The following ZFC3H1 variants were observed in gnomAD, a reference collection of about 807,000 sequenced individuals.
ZFC3H1 encodes zinc finger C3H1-type containing, also known as zinc finger C3H1 domain-containing protein.
A neutral mutation model predicts 243.7 loss-of-function variants in ZFC3H1; 71 were observed. The ratio of observed to expected loss-of-function variants is 0.29; its 90% CI spans 0.24 to 0.36. ZFC3H1 has a LOEUF of 0.36. Ranked by LOEUF, ZFC3H1 falls within the 10% of genes least tolerant of loss-of-function variation. The pLI is 1.00. For synonymous variants in ZFC3H1, 838 were observed against 813.0 expected (o/e 1.03, Z -0.52); for missense variants, 1,966 against 2,317.1 (o/e 0.85, Z 3.11).
chr12:71,623,062 TAATC>T (rs1880073425), intron 24 of ZFC3H1, among the ~76,000 whole-genome samples: 1 of 151,870 alleles, frequency 6.6e-6, no homozygotes. Context: ...TTCTCTGATT[TAATC>T]AATTCATCAA....
intron 2 of ZFC3H1, 69 bp from the exon 3 acceptor site, chr12:71,647,882 T>C (rs1277679215): frequency 3.4e-6 from 2 of 586,872 alleles, no homozygotes; most frequent in South Asian, 2.5e-5. Flanking sequence ...AATAATCCTA[T>C]ATAATATCTG....
intron 13 of ZFC3H1, 75 bp from the exon 14 acceptor site, chr12:71,633,092 T>C (rs1011331): frequency 0.74 from 1,086,048 of 1,474,630 alleles, 415,098 homozygotes; most frequent in Non-Finnish European, 0.79. Flanking sequence ...TCAAACACCG[T>C]GGCTTTTGAG....
rs1459121129 is a variant in ZFC3H1, at chr12:71,663,088, G to A, written c.523C>T (p.Pro175Ser). 6.8e-6 allele frequency: 11 copies of A among 1,613,942 alleles called. 1 individual carries two copies. The highest frequency in any genetic ancestry group is 5.3e-5 in the African/African-American group (4 of 74,908). Residue 175 changes from proline (P) to serine (S), a missense_variant, in exon 1 of 35, where the codon CCT becomes TCT. Coordinates refer to ENST00000378743, the MANE Select transcript of ZFC3H1 (RefSeq NM_144982.5). ...CCGGATCCTGCTCCTCCTCCCAGAG[G>A]AGGTCTGCACCCCGGCTTGCCTCCT... ...ERGGKPGCRP[P>S]LGGGAGSGFS... is the part of the protein sequence containing the mutation.
In ZFC3H1 at chr12:71,632,347, T is replaced by C. The variant is rs1316742085; in HGVS notation, c.2985A>G (p.Gln995=). ...EARALKAKEQ[Q]NISPVVEEEP... ...CCTCTTCCACAACTGGAGAGATATT[T>C]TGTTGTTCCTTTGCTTTAAGGGCAC... is the stretch of plus-strand genomic sequence containing the variant. Residue 995 remains glutamine, a synonymous_variant, in exon 15 of 35, where the codon CAA becomes CAG. Coordinates refer to ENST00000378743, the MANE Select transcript of ZFC3H1 (RefSeq NM_144982.5). 1.9e-6 allele frequency: 3 copies of C among 1,613,682 alleles called. No homozygotes were observed. The highest frequency in any genetic ancestry group is 2.7e-5 in the African/African-American group (2 of 74,878).
intron 2 of ZFC3H1, among the ~76,000 whole-genome samples, chr12:71,654,905 C>A (rs1880979459): frequency 6.6e-6 from 1 of 151,934 alleles, no homozygotes; most frequent in African/African-American, 2.4e-5. Flanking sequence ...TAATATAAGA[C>A]AAAATAGTCT....
intron 11 of ZFC3H1, 120 bp from the exon 12 acceptor site, chr12:71,634,424 G>T: frequency 8.2e-7 from 1 of 1,226,880 alleles, no homozygotes. Context: ...TAAAGATGAT[G>T]ACCAATATGC....
In ZFC3H1 at chr12:71,638,530, TTTG is replaced by T. The variant is rs1487175683; in HGVS notation, c.1628-18_1628-16del. On this transcript the variant is annotated splice_polypyrimidine_tract_variant and intron_variant, in intron 6 of 34. Coordinates refer to ENST00000378743, the MANE Select transcript of ZFC3H1 (RefSeq NM_144982.5). ...TGGTGAAGGAGCTGTAAAAAAATTT[TTTG>T]TTAAGAGTTTAATAACAGAAATACT... is the stretch of plus-strand genomic sequence containing the variant. 29 of 1,585,128 alleles carry T rather than the reference TTTG, an allele frequency of 1.8e-5. No individual in the cohort carries two copies. Among genetic ancestry groups the T allele is most frequent in the Non-Finnish European group, 2.5e-5 (29 of 1,169,032 alleles).
chr12:71,610,899 G>T, intron 33 of ZFC3H1, 142 bp from the exon 34 acceptor site: 1 of 1,402,572 alleles, frequency 7.1e-7, no homozygotes, highest in African/African-American at 1.4e-5. Flanking sequence ...CCGAATATTT[G>T]GTACTCTTAA....
intron 13 of ZFC3H1, 117 bp downstream of exon 13, chr12:71,633,147 G>C (rs762335812): frequency 8.8e-5 from 122 of 1,389,470 alleles, no homozygotes; most frequent in Non-Finnish European, 1.1e-4. Context: ...TTCTCAACAA[G>C]AAACTATAGG....
Position 71,631,995 on chromosome 12 carries a change from T to C in ZFC3H1, c.3337A>G (p.Thr1113Ala), listed in dbSNP as rs1245522359. 1.9e-6 allele frequency: 3 copies of C among 1,600,216 alleles called. No individual in the cohort carries two copies. Among genetic ancestry groups the C allele is most frequent in the South Asian group, 2.3e-5 (2 of 88,834 alleles). Residue 1113 changes from threonine (T) to alanine (A), a missense_variant, in exon 15 of 35, where the codon ACA (threonine) becomes GCA (alanine). Physicochemically the swap from Thr to Ala is moderately conservative, Grantham distance 58. Transcript: ENST00000378743. ...QLILKTTTGI[T>A]EKVLHGQEIS... ...ACCTGACCATGCAAAACCTTCTCTG[T>C]AATGCCTGTGGTGGTTTTTAAAATC...
rs1880203908 is a variant in ZFC3H1 at position 71,627,680 on chromosome 12, T to C, written c.4130+71A>G. The C allele has an allele frequency of 3.5e-6, 5 of 1,435,476 alleles. No homozygotes were observed. In the East Asian group the frequency reaches 6.9e-5, roughly 20 times the overall value. 88.9% of individuals were successfully genotyped at this position (1,435,476 alleles called of 1,614,324 possible). ...AGGAAAGAAACCTGACTGATTACCA[T>C]AGGTAAAAAAACCTCAAACATAAAA... On this transcript the variant is annotated intron_variant, in intron 21 of 34. Coordinates refer to ENST00000378743, the MANE Select transcript of ZFC3H1 (RefSeq NM_144982.5).
chr12:71,645,230 C>T (rs1334063901), intron 3 of ZFC3H1, among the ~76,000 whole-genome samples, 155 bp from the exon 4 acceptor site: 1 of 152,176 alleles, frequency 6.6e-6, no homozygotes, highest in Non-Finnish European at 1.5e-5. Context: ...TTACTTCCCA[C>T]AGCCTGAGAC....
intron 27 of ZFC3H1, among the ~76,000 whole-genome samples, chr12:71,616,858 T>A (rs1285778760): frequency 6.6e-6 from 1 of 152,166 alleles, no homozygotes; most frequent in Non-Finnish European, 1.5e-5. Context: ...ATCCCTTAAC[T>A]TCCTCACTGA....
chr12:71,636,613 C>G lies in ZFC3H1; in HGVS notation c.1977G>C (p.Leu659=). The G allele has an allele frequency of 6.2e-7, 1 of 1,613,808 alleles. No individual in the cohort carries two copies. The highest frequency in any genetic ancestry group is 8.5e-7 in the Non-Finnish European group (1 of 1,179,868). Residue 659 remains leucine, a synonymous_variant, in exon 9 of 35, where the codon CTG becomes CTC. Coordinates refer to ENST00000378743, the MANE Select transcript of ZFC3H1 (RefSeq NM_144982.5). ...TTCTTGGCACAGGATGTGAATTGTTCAGAACTGGAGGTGAAGGTGGGTCAC... is the reference window on the plus strand; with the variant it reads ...TTCTTGGCACAGGATGTGAATTGTTGAGAACTGGAGGTGAAGGTGGGTCAC... ...SNSDPPSPPV[L]NNSHPVPRSN...
intron 20 of ZFC3H1, 47 bp from the exon 21 acceptor site, chr12:71,627,981 C>T (rs185473180): frequency 6.5e-7 from 1 of 1,548,828 alleles, no homozygotes; most frequent in South Asian, 1.2e-5. Flanking sequence ...CTTTAGTCCA[C>T]AGATGCAAGA....
rs547348997 is a variant in ZFC3H1, at chr12:71,663,736, G to A, written c.-126C>T. 1.3e-5 allele frequency: 15 copies of A among 1,176,698 alleles called. No homozygotes were observed. The highest frequency in any genetic ancestry group is 1.2e-4 in the East Asian group (5 of 41,962). 72.9% of individuals were successfully genotyped at this position (1,176,698 alleles called of 1,614,324 possible). On this transcript the variant is annotated 5_prime_UTR_variant, in exon 1 of 35. Coordinates refer to ENST00000378743, the MANE Select transcript of ZFC3H1 (RefSeq NM_144982.5). ...GTCTTACCCTACTCGGACACCAAGC[G>A]GCCTCTGCTCCCCAACTTCCCCGCA... is the stretch of plus-strand genomic sequence containing the variant.
At chr12:71,643,099 C>A (rs1880639237) in intron 5 of ZFC3H1, among the ~76,000 whole-genome samples, 1 of 152,112 alleles carries the variant, frequency 6.6e-6, no homozygotes, top group Admixed American at 6.5e-5. Context: ...ACTAAAAACT[C>A]GCAAAACCTC....
Position 71,623,395 on chromosome 12 carries a change from T to G in ZFC3H1, c.4709A>C (p.Lys1570Thr). ...TGCTAACAACATGTCAGGATTAGTC[T>G]TTACATCTTGAACAGCTTGCCATGG... The part of the protein sequence containing the change: ...VMPWQAVQDV[K>T]TNPDMLLAVF... The change falls in exon 24 of 35, where the codon AAG (lysine) becomes ACG (threonine). Residue 1570 changes from lysine to threonine, a missense_variant. This residue lies in a region of ZFC3H1 where 1,383 missense variants were observed against 1,723.7 expected (regional missense o/e 0.80). Transcript: ENST00000378743. 2 of 1,613,304 alleles carry G rather than the reference T, an allele frequency of 1.2e-6. No homozygotes were observed. Among genetic ancestry groups the G allele is most frequent in the Non-Finnish European group, 8.5e-7 (1 of 1,179,710 alleles).
At chr12:71,651,984 A>G (rs141209101) in intron 2 of ZFC3H1, among the ~76,000 whole-genome samples, 1 of 152,360 alleles carries the variant, frequency 6.6e-6, no homozygotes, top group African/African-American at 2.4e-5. Context: ...TTATGGTCAG[A>G]AAGTGAAAAG....
Sources: gnomAD v4.1 joint callset for allele counts (sites outside exome capture counted in the v4.1 genomes callset) on GRCh38, gnomAD v4.1.1 for gene constraint, gnomAD v4.1.1 regional missense constraint, MANE v1.5 for transcripts, NCBI Gene and HGNC (gene_info 2026-07-23, HGNC 2026-07-21) for gene names.